Variants in SGCZ observed in about 807,000 individuals in gnomAD.
SGCZ encodes the protein zeta-sarcoglycan.
In SGCZ, 40 loss-of-function variants were observed where a neutral mutation model predicts 41.3. The ratio of observed to expected loss-of-function variants is 0.97; its 90% CI spans 0.75 to 1.26. The LOEUF (loss-of-function observed/expected upper bound fraction) is 1.26. SGCZ is among the 50% of genes most tolerant of loss of function. SGCZ has a pLI of 0.00. For synonymous variants in SGCZ, 206 were observed against 137.5 expected, an observed-to-expected ratio of 1.50 and a Z score of -3.49; for missense variants, 552 against 369.8, an observed-to-expected ratio of 1.49 and a Z score of -4.04.
At chr8:14,645,484 G>T (rs57424774) in intron 1 of SGCZ, among the ~76,000 whole-genome samples, 18 of 135,790 alleles carry the variant, frequency 1.3e-4, no homozygotes, top group East Asian at 2.6e-4. Context: ...ATATTTATAT[G>T]TATATATATA....
chr8:15,040,565 G>A (rs1050825366), intron 1 of SGCZ, among the ~76,000 whole-genome samples: 3 of 152,136 alleles, frequency 2.0e-5, no homozygotes, highest in African/African-American at 4.8e-5. Flanking sequence ...TGGTTGCAGT[G>A]AGCCGAGACT....
intron 4 of SGCZ, among the ~76,000 whole-genome samples, chr8:14,194,512 G>A (rs939279166): frequency 6.6e-6 from 1 of 151,874 alleles, no homozygotes; most frequent in African/African-American, 2.4e-5. Flanking sequence ...TTATGTTTGG[G>A]ACTCTGAGGT....
At chr8:14,230,143 G>C (rs961951217) in intron 4 of SGCZ, among the ~76,000 whole-genome samples, 1 of 151,982 alleles carries the variant, frequency 6.6e-6, no homozygotes. Flanking sequence ...AGGAACGTAA[G>C]GACCAGTAGA....
chr8:14,806,416 A>T (rs1675431469), intron 1 of SGCZ, among the ~76,000 whole-genome samples: 4 of 151,550 alleles, frequency 2.6e-5, no homozygotes, highest in African/African-American at 4.9e-5. Context: ...CCGATCCCAC[A>T]GAAATACAAA....
chr8:14,314,926 G>T (rs570351470), intron 3 of SGCZ, among the ~76,000 whole-genome samples: 1 of 152,118 alleles, frequency 6.6e-6, no homozygotes, highest in East Asian at 1.9e-4. Context: ...ATTTGCAAAT[G>T]TTTGCAAAAT....
chr8:14,216,465 C>T (rs1805997037), intron 4 of SGCZ, among the ~76,000 whole-genome samples: 1 of 152,124 alleles, frequency 6.6e-6, no homozygotes, highest in African/African-American at 2.4e-5. Context: ...AAGTCACAAA[C>T]AAACTTCCTA....
At position 14,466,215 on chromosome 8, in the gene SGCZ, C is replaced by T. The variant is rs183295717; in HGVS notation, c.234+88517G>A. 2.5e-3 allele frequency among the ~76,000 whole-genome samples: 386 copies of T among 152,064 alleles called. 4 individuals are homozygous for T. Among genetic ancestry groups the T allele is most frequent in the African/African-American group, 8.6e-3 (358 of 41,538 alleles). ...CGAGAATGTCTTAATTTCTCCTTGACTATCAATGGACAGTTTGTTGGATAA... is the reference window on the plus strand; with the variant it reads ...CGAGAATGTCTTAATTTCTCCTTGATTATCAATGGACAGTTTGTTGGATAA... On this transcript the variant is annotated intron_variant, in intron 2 of 7. Transcript: ENST00000382080.
At chr8:14,697,887 G>C (rs982614307) in intron 1 of SGCZ, among the ~76,000 whole-genome samples, 1 of 151,852 alleles carries the variant, frequency 6.6e-6, no homozygotes, top group Non-Finnish European at 1.5e-5. Context: ...GTTGCTTTCT[G>C]TTTCCCTCTA....
intron 1 of SGCZ, among the ~76,000 whole-genome samples, chr8:14,840,007 T>A (rs948283526): frequency 6.6e-6 from 1 of 152,146 alleles, no homozygotes; most frequent in African/African-American, 2.4e-5. Flanking sequence ...CCTTTGTTTT[T>A]ACACCACTTT....
chr8:14,488,985 G>A (rs939298481), intron 2 of SGCZ, among the ~76,000 whole-genome samples: 1 of 145,884 alleles, frequency 6.9e-6, no homozygotes. Context: ...TATATATATA[G>A]ATATACATAA....
At chr8:15,056,895 G>A (rs545698439) in intron 1 of SGCZ, among the ~76,000 whole-genome samples, 8 of 152,224 alleles carry the variant, frequency 5.3e-5, no homozygotes, top group South Asian at 2.1e-4. Flanking sequence ...ATTGCTCACC[G>A]TTCTGACAGG....
intron 1 of SGCZ, among the ~76,000 whole-genome samples, chr8:15,090,314 T>C (rs1181236950): frequency 2.0e-5 from 3 of 152,220 alleles, no homozygotes; most frequent in Admixed American, 6.5e-5. Context: ...ATCTTTAAAA[T>C]TAACACTTGA....
intron 1 of SGCZ, among the ~76,000 whole-genome samples, chr8:14,971,358 G>A (rs929166902): frequency 1.3e-5 from 2 of 152,162 alleles, no homozygotes; most frequent in Non-Finnish European, 1.5e-5. Context: ...CTCATATTAG[G>A]AGAAAAGCAT....
At chr8:14,813,645 T>C (rs948184266) in intron 1 of SGCZ, among the ~76,000 whole-genome samples, 18 of 152,184 alleles carry the variant, frequency 1.2e-4, no homozygotes, top group African/African-American at 3.1e-4. Flanking sequence ...ATGTCACCTA[T>C]AAACTTAAAA....
rs943909578 is a variant in SGCZ, at chr8:14,089,029, G to A, written c.*1414C>T. Among the ~76,000 whole-genome samples the A allele has an allele frequency of 6.6e-6, 1 of 151,810 alleles. No individual in the cohort carries two copies. Among genetic ancestry groups the A allele is most frequent in the Non-Finnish European group, 1.5e-5 (1 of 67,874 alleles). On this transcript the variant is annotated 3_prime_UTR_variant, in exon 8 of 8. Coordinates refer to ENST00000382080, the MANE Select transcript of SGCZ (RefSeq NM_139167.4). ...GTAATTAAGTCATCTTCCCATAATAGGAAATACTTAATACAGTTTTACATT... is the reference window on the plus strand; with the variant it reads ...GTAATTAAGTCATCTTCCCATAATAAGAAATACTTAATACAGTTTTACATT...
intron 3 of SGCZ, among the ~76,000 whole-genome samples, chr8:14,303,599 A>G (rs1309263271): frequency 6.6e-6 from 1 of 152,148 alleles, no homozygotes; most frequent in Non-Finnish European, 1.5e-5. Flanking sequence ...AAATATTACA[A>G]CCGAATGACT....
At chr8:14,642,854 G>T (rs1394047169) in intron 1 of SGCZ, among the ~76,000 whole-genome samples, 2 of 151,428 alleles carry the variant, frequency 1.3e-5, no homozygotes, top group East Asian at 3.9e-4. Flanking sequence ...AAAAGTATTG[G>T]AAAGCATAGG....
intron 1 of SGCZ, among the ~76,000 whole-genome samples, chr8:14,938,810 A>T (rs1800169138): frequency 6.6e-6 from 1 of 151,892 alleles, no homozygotes; most frequent in African/African-American, 2.4e-5. Context: ...TGGTACAATG[A>T]TAATTTTTTT....
intron 1 of SGCZ, among the ~76,000 whole-genome samples, chr8:15,118,812 A>T (rs759835732): frequency 1.3e-5 from 2 of 152,170 alleles, no homozygotes; most frequent in Non-Finnish European, 2.9e-5. Context: ...ATAGCCCTGC[A>T]GATCAGCTCC....
Sources: allele counts gnomAD v4.1 joint callset (sites outside exome capture counted in the v4.1 genomes callset), GRCh38; gene constraint gnomAD v4.1.1; transcripts MANE v1.5; gene names NCBI Gene and HGNC (gene_info 2026-07-23, HGNC 2026-07-21).